The following MACROD2 variants were observed in gnomAD, a reference collection of about 807,000 sequenced individuals.
MACROD2 encodes the protein mono-ADP ribosylhydrolase 2.
MACROD2 carries 36 observed loss-of-function variants against 70.4 expected under a neutral mutation model. That is an observed-to-expected ratio of 0.51 (90% CI 0.39 to 0.68). The LOEUF is 0.68. MACROD2 is among the 30% of genes least tolerant of loss of function. The pLI, the probability that MACROD2 is intolerant of heterozygous loss-of-function variation, is 0.00. For missense variants in MACROD2, 496 were observed against 538.4 expected (o/e 0.92, Z 0.78); for synonymous variants, 172 against 178.8 (o/e 0.96, Z 0.30).
chr20:14,063,382 G>C (rs73612331), intron 2 of MACROD2, among the ~76,000 whole-genome samples: 1 of 152,114 alleles, frequency 6.6e-6, no homozygotes, highest in African/African-American at 2.4e-5. Context: ...CTACCACCTC[G>C]TGGGGCATTA....
At chr20:15,435,333 C>G (rs1370460776) in intron 7 of MACROD2, among the ~76,000 whole-genome samples, 1 of 152,104 alleles carries the variant, frequency 6.6e-6, no homozygotes, top group Non-Finnish European at 1.5e-5. Flanking sequence ...AATTCATTAA[C>G]AATTCATCTT....
chr20:15,710,728 A>G (rs1014619055), intron 8 of MACROD2, among the ~76,000 whole-genome samples: 1 of 152,232 alleles, frequency 6.6e-6, no homozygotes, highest in African/African-American at 2.4e-5. Context: ...TGAAAAAAGC[A>G]AAGTAGTATT....
intron 5 of MACROD2, among the ~76,000 whole-genome samples, chr20:14,828,028 T>G (rs2072921979): frequency 6.6e-6 from 1 of 152,076 alleles, no homozygotes; most frequent in Non-Finnish European, 1.5e-5. Context: ...TGTGCATTCA[T>G]TGGTAAAGTT....
chr20:15,082,145 G>T (rs1568563976), intron 5 of MACROD2, among the ~76,000 whole-genome samples: 1 of 152,136 alleles, frequency 6.6e-6, no homozygotes, highest in Non-Finnish European at 1.5e-5. Context: ...GGACCACCCA[G>T]CCAGAGTGGG....
intron 6 of MACROD2, among the ~76,000 whole-genome samples, chr20:15,283,648 G>A (rs1371793348): frequency 1.3e-5 from 2 of 150,744 alleles, no homozygotes; most frequent in African/African-American, 4.9e-5. Context: ...CTCCAGCCTG[G>A]GCAACAAGAG....
chr20:15,655,944 C>T (rs1177721543), intron 8 of MACROD2, among the ~76,000 whole-genome samples: 1 of 152,128 alleles, frequency 6.6e-6, no homozygotes, highest in Non-Finnish European at 1.5e-5. Context: ...CGAATTAAGT[C>T]TTTACCATCA....
chr20:14,372,804 C>G (rs866099155), intron 3 of MACROD2, among the ~76,000 whole-genome samples: 1 of 152,126 alleles, frequency 6.6e-6, no homozygotes, highest in Non-Finnish European at 1.5e-5. Flanking sequence ...TTGTTTTCAT[C>G]TAGTCCATAT....
intron 8 of MACROD2, among the ~76,000 whole-genome samples, chr20:15,537,592 G>A (rs931688984): frequency 2.0e-5 from 3 of 149,922 alleles, no homozygotes; most frequent in Non-Finnish European, 4.4e-5. Flanking sequence ...TTGTGCCTCA[G>A]TCTCCCAAAT....
intron 5 of MACROD2, among the ~76,000 whole-genome samples, chr20:15,072,034 G>T (rs538210388): frequency 2.0e-5 from 3 of 152,244 alleles, no homozygotes; most frequent in Non-Finnish European, 4.4e-5. Context: ...CAAAATATAT[G>T]ATTTTAAAAC....
At chr20:15,948,000 T>A (rs2065848502) in intron 12 of MACROD2, among the ~76,000 whole-genome samples, 1 of 152,044 alleles carries the variant, frequency 6.6e-6, no homozygotes, top group African/African-American at 2.4e-5. Flanking sequence ...TATGCCCCAA[T>A]TCAGCAGGAA....
At chr20:15,100,908 G>A (rs2075867324) in intron 5 of MACROD2, among the ~76,000 whole-genome samples, 1 of 152,096 alleles carries the variant, frequency 6.6e-6, no homozygotes, top group East Asian at 1.9e-4. Flanking sequence ...CATATTTTGA[G>A]AGGCAGAAAA....
At chr20:14,275,110 T>C (rs73612347) in intron 3 of MACROD2, among the ~76,000 whole-genome samples, 62 of 152,240 alleles carry the variant, frequency 4.1e-4, no homozygotes, top group African/African-American at 8.7e-4. Context: ...TGACTTTCTT[T>C]ACAGAATTGG....
intron 5 of MACROD2, among the ~76,000 whole-genome samples, chr20:15,220,939 A>T (rs527508734): frequency 1.3e-5 from 2 of 152,236 alleles, no homozygotes; most frequent in African/African-American, 4.8e-5. Flanking sequence ...ATTGCAGAAG[A>T]GTCTTTCTTG....
intron 3 of MACROD2, among the ~76,000 whole-genome samples, chr20:14,178,765 T>A (rs1177810902): frequency 7.6e-6 from 1 of 131,704 alleles, no homozygotes; most frequent in Non-Finnish European, 1.5e-5. Flanking sequence ...TAGTGAGGAG[T>A]CATCTAGAGG....
intron 5 of MACROD2, among the ~76,000 whole-genome samples, chr20:14,944,821 C>G (rs2074417503): frequency 6.6e-6 from 1 of 152,100 alleles, no homozygotes; most frequent in Non-Finnish European, 1.5e-5. Flanking sequence ...TCTGGTGTTG[C>G]TCTAGGATGA....
At chr20:14,595,976 C>T (rs1274313415) in intron 4 of MACROD2, among the ~76,000 whole-genome samples, 8 of 152,038 alleles carry the variant, frequency 5.3e-5, no homozygotes, top group Non-Finnish European at 2.9e-5. Flanking sequence ...TGTAAATTTC[C>T]CATCAAAATG....
intron 4 of MACROD2, among the ~76,000 whole-genome samples, chr20:14,663,555 C>T (rs1289388285): frequency 6.9e-6 from 1 of 145,202 alleles, no homozygotes; most frequent in East Asian, 2.1e-4. Flanking sequence ...CACACACACA[C>T]ATGCACACAT....
rs201181433 is a variant in MACROD2, at chr20:14,377,378, G to A, written c.272-116101G>A. Among the ~76,000 whole-genome samples the A allele has an allele frequency of 2.6e-5, 4 of 152,190 alleles. No homozygotes were observed. In the East Asian group the frequency reaches 7.7e-4, roughly 29 times the overall value. ...AGTTGCAGACCACACCATCACTCCT[G>A]TGTTATTGAATACTTAGAGTGACAA... On this transcript the variant is annotated intron_variant, in intron 3 of 17. Transcript: ENST00000684519.
intron 13 of MACROD2, among the ~76,000 whole-genome samples, chr20:15,974,465 A>G (rs928600686): frequency 1.3e-5 from 2 of 152,156 alleles, no homozygotes; most frequent in Non-Finnish European, 2.9e-5. Context: ...CATTCTGGAA[A>G]GGCAAAACCA....
Sources: allele counts gnomAD v4.1 joint callset (sites outside exome capture counted in the v4.1 genomes callset), GRCh38; gene constraint gnomAD v4.1.1; transcripts MANE v1.5; gene names NCBI Gene and HGNC (gene_info 2026-07-23, HGNC 2026-07-21).